ESRP1: variants seen among roughly 807,000 people sequenced by gnomAD.
ESRP1 encodes the protein epithelial splicing regulatory protein 1, also known as RNA-binding motif protein 35A.
In ESRP1, 33 loss-of-function variants were observed where a neutral mutation model predicts 81.7. That is an observed-to-expected ratio of 0.40 (90% CI 0.31 to 0.54). The LOEUF is 0.54. Among genes scored for constraint, ESRP1 ranks in the 20% least tolerant of loss-of-function variants. The pLI is 0.41. For missense variants in ESRP1, 672 were observed against 833.1 expected (o/e 0.81, Z 2.38); for synonymous variants, 320 against 303.3 (o/e 1.06, Z -0.57).
chr8:94,665,832 T>C (rs1038854376), intron 9 of ESRP1, among the ~76,000 whole-genome samples: 2 of 152,182 alleles, frequency 1.3e-5, no homozygotes, highest in African/African-American at 4.8e-5. Flanking sequence ...AAAACTGCTT[T>C]CAAACGGCCA....
chr8:94,690,964 C>T (rs538848342), intron 13 of ESRP1, among the ~76,000 whole-genome samples: 3 of 152,226 alleles, frequency 2.0e-5, no homozygotes, highest in African/African-American at 7.2e-5. Context: ...TTGGGTGATT[C>T]TTATAGTTTG....
intron 6 of ESRP1, 144 bp downstream of exon 6, chr8:94,662,699 C>T (rs911104438): frequency 1.5e-6 from 1 of 653,648 alleles, no homozygotes. Flanking sequence ...GCTCCGCCTC[C>T]CGGGTTCATG....
chr8:94,668,264 A>AC lies in ESRP1; in HGVS notation c.1233+15dup. 1 of 1,561,798 alleles carries AC rather than the reference A, an allele frequency of 6.4e-7. No individual in the cohort carries two copies. The highest frequency in any genetic ancestry group is 1.2e-5 in the South Asian group (1 of 82,814). On this transcript the variant is annotated intron_variant, in intron 10 of 15. Coordinates refer to ENST00000433389, the MANE Select transcript of ESRP1 (RefSeq NM_017697.4). ...GAAGTTCAGCAGGTTGGTTTTAAAA[A>AC]CAAGTATGTTGTACCTTTGCATTAA...
intron 13 of ESRP1, among the ~76,000 whole-genome samples, chr8:94,686,995 A>AT (rs1168179528): frequency 4.6e-5 from 7 of 152,164 alleles, no homozygotes; most frequent in Non-Finnish European, 1.0e-4. Context: ...GTGTTCGGTC[A>AT]TTTTTAGTAT....
Position 94,641,376 on chromosome 8 carries a change from G to C in ESRP1, c.58G>C (p.Gly20Arg), listed in dbSNP as rs754335025. 5.6e-6 allele frequency: 9 copies of C among 1,613,662 alleles called. No homozygotes were observed. Among genetic ancestry groups the C allele is most frequent in the Non-Finnish European group, 6.8e-6 (8 of 1,179,810 alleles). The change falls in exon 1 of 16, where the codon GGG (glycine) becomes CGG (arginine). Residue 20 changes from glycine to arginine, a missense_variant. Gly to Arg is a moderately radical substitution (Grantham distance 125). Transcript: ENST00000433389. Reference protein sequence around the residue: ...VLFGITAGATGAKLGSDEKEL... With the variant: ...VLFGITAGATRAKLGSDEKEL... ...TTTTGGGATCACTGCTGGGGCCACC[G>C]GGGCCAAGCTAGGCTCGGATGAGAA...
rs551936018 is a variant in ESRP1 at position 94,692,853 on chromosome 8, C to A, written c.1971+26C>A. 1.7e-5 allele frequency: 28 copies of A among 1,603,738 alleles called. 1 individual carries two copies. In the South Asian group the frequency reaches 2.9e-4, roughly 17 times the overall value. On this transcript the variant is annotated intron_variant, in intron 14 of 15. Coordinates refer to ENST00000433389, the MANE Select transcript of ESRP1 (RefSeq NM_017697.4). ...GTCAGTAGCTTGAAGGAGAATAATCCTCAGTGCCCTTATTACTTAAGTTGA... is the reference window on the plus strand; with the variant it reads ...GTCAGTAGCTTGAAGGAGAATAATCATCAGTGCCCTTATTACTTAAGTTGA...
At chr8:94,678,669 G>A (rs1808738906) in intron 13 of ESRP1, among the ~76,000 whole-genome samples, 1 of 152,164 alleles carries the variant, frequency 6.6e-6, no homozygotes, top group Non-Finnish European at 1.5e-5. Context: ...CAATAGGATG[G>A]CAATATCAGA....
intron 10 of ESRP1, among the ~76,000 whole-genome samples, chr8:94,669,275 C>T (rs1352700672): frequency 1.3e-5 from 2 of 152,266 alleles, no homozygotes; most frequent in African/African-American, 4.8e-5. Context: ...TTCCAACTTG[C>T]TCTATTTGTG....
At chr8:94,644,346 T>C (rs1817746203) in intron 3 of ESRP1, among the ~76,000 whole-genome samples, 1 of 152,134 alleles carries the variant, frequency 6.6e-6, no homozygotes, top group Admixed American at 6.5e-5. Flanking sequence ...AGGCTTGCAA[T>C]GAAAGATGTA....
chr8:94,665,057 G>C lies in ESRP1; in HGVS notation c.886G>C (p.Glu296Gln), dbSNP rs1331345805. 1 of 1,613,662 alleles carries C rather than the reference G, an allele frequency of 6.2e-7. No individual in the cohort carries two copies. Among genetic ancestry groups the C allele is most frequent in the Admixed American group, 1.7e-5 (1 of 59,970 alleles). ...ACATCACATGGGGACCCGGTATATTGAGGTATGTCCTCAAAACCTGAACCC... is the reference window on the plus strand; with the variant it reads ...ACATCACATGGGGACCCGGTATATTCAGGTATGTCCTCAAAACCTGAACCC... ...HKHHMGTRYI[E>Q]VYKATGEDFL... The change falls in exon 8 of 16, where the codon GAG becomes CAG. Residue 296 changes from glutamate (E) to glutamine (Q), a missense_variant and splice_region_variant. Transcript: ENST00000433389.
chr8:94,682,151 C>T (rs1808915460), intron 13 of ESRP1, among the ~76,000 whole-genome samples: 1 of 152,124 alleles, frequency 6.6e-6, no homozygotes, highest in South Asian at 2.1e-4. Context: ...ATTATCAGTG[C>T]AAAATCAGTT....
intron 15 of ESRP1, among the ~76,000 whole-genome samples, chr8:94,698,064 A>C (rs1469555073): frequency 6.6e-6 from 1 of 152,194 alleles, no homozygotes; most frequent in Admixed American, 6.5e-5. Context: ...TATAGGCGTG[A>C]GCCACCGTGC....
intron 4 of ESRP1, among the ~76,000 whole-genome samples, chr8:94,647,647 C>A (rs1476165808): frequency 6.6e-6 from 1 of 152,108 alleles, no homozygotes; most frequent in Admixed American, 6.6e-5. Flanking sequence ...TTCTAAAGAC[C>A]CTCTCTCCAG....
rs1586172283 is a variant in ESRP1 at position 94,646,517 on chromosome 8, T to G, written c.490+235T>G. 25 of 359,870 alleles carry G rather than the reference T, an allele frequency of 6.9e-5. No homozygotes were observed. In the East Asian group the frequency reaches 1.3e-3, roughly 19 times the overall value. 22.3% of individuals were successfully genotyped at this position (359,870 alleles called of 1,614,324 possible). A position where few individuals can be genotyped will look rare whatever the true frequency, so the allele number is the denominator to read the frequency against. On this transcript the variant is annotated intron_variant, in intron 4 of 15. Coordinates refer to ENST00000433389, the MANE Select transcript of ESRP1 (RefSeq NM_017697.4). ...TGGATTTTTTGGTGGGGTGATCACA[T>G]GTAGAATAGGATTCAGTTTCAGCTG... is the stretch of plus-strand genomic sequence containing the variant.
chr8:94,679,844 C>A (rs1364748856), intron 13 of ESRP1, among the ~76,000 whole-genome samples: 2 of 152,094 alleles, frequency 1.3e-5, no homozygotes, highest in African/African-American at 4.8e-5. Flanking sequence ...TGTGTACTGT[C>A]TAATCGTTCC....
At chr8:94,679,166 G>A (rs1808764331) in intron 13 of ESRP1, among the ~76,000 whole-genome samples, 1 of 152,140 alleles carries the variant, frequency 6.6e-6, no homozygotes, top group Non-Finnish European at 1.5e-5. Flanking sequence ...CATAATAACA[G>A]GCAAGTTTGT....
At position 94,641,177 on chromosome 8, in the gene ESRP1, T is replaced by TA. The variant is rs1186480299; in HGVS notation, c.-142_-141insA. ...GGCTTGGGTGGTTGGTTACCGCCTT[T>TA]TGCACTAGCAGTAGCAAGGAAGGGG... On this transcript the variant is annotated 5_prime_UTR_variant, in exon 1 of 16. It adds an upstream start codon to the 5' untranslated region. Transcript: ENST00000433389. 1 of 805,006 alleles carries TA rather than the reference T, an allele frequency of 1.2e-6. No homozygotes were observed. Among genetic ancestry groups the TA allele is most frequent in the Non-Finnish European group, 1.9e-6 (1 of 524,860 alleles). 49.9% of individuals were successfully genotyped at this position (805,006 alleles called of 1,614,324 possible). A position where few individuals can be genotyped will look rare whatever the true frequency, so the allele number is the denominator to read the frequency against.
At chr8:94,683,933 C>A (rs1474143456) in intron 13 of ESRP1, among the ~76,000 whole-genome samples, 2 of 152,120 alleles carry the variant, frequency 1.3e-5, no homozygotes, top group South Asian at 4.1e-4. Flanking sequence ...CCACAACCTC[C>A]GCCTCCCAGG....
chr8:94,682,463 C>A (rs1021332398), intron 13 of ESRP1, among the ~76,000 whole-genome samples: 1 of 152,058 alleles, frequency 6.6e-6, no homozygotes, highest in African/African-American at 2.4e-5. Context: ...ATCTCCCAGG[C>A]TCAAGCGATC....
Sources: allele counts gnomAD v4.1 joint callset (sites outside exome capture counted in the v4.1 genomes callset), GRCh38; gene constraint gnomAD v4.1.1; transcripts MANE v1.5; gene names NCBI Gene and HGNC (gene_info 2026-07-23, HGNC 2026-07-21).